DUSP10: variants seen among roughly 807,000 people sequenced by gnomAD.
DUSP10 encodes the protein dual specificity phosphatase 10.
In DUSP10, 14 loss-of-function variants were observed where a neutral mutation model predicts 30.8. The ratio of observed to expected loss-of-function variants is 0.46; its 90% confidence interval spans 0.30 to 0.71. DUSP10 has a LOEUF of 0.71. Among genes scored for constraint, DUSP10 ranks in the 30% least tolerant of loss-of-function variants. DUSP10 has a pLI of 0.08. For synonymous variants in DUSP10, 254 were observed against 250.4 expected (o/e 1.01, Z -0.14); for missense variants, 550 against 619.4 (o/e 0.89, Z 1.19).
intron 2 of DUSP10, among the ~76,000 whole-genome samples, chr1:221,713,860 T>C (rs550288198): frequency 1.3e-5 from 2 of 152,232 alleles, no homozygotes; most frequent in South Asian, 2.1e-4. Context: ...GAAAGAGGTA[T>C]TGAGATAGGT....
intron 2 of DUSP10, among the ~76,000 whole-genome samples, chr1:221,718,203 T>G (rs1226179717): frequency 6.6e-6 from 1 of 152,022 alleles, no homozygotes; most frequent in Non-Finnish European, 1.5e-5. Flanking sequence ...AGAACCTTAG[T>G]TCCATGAACC....
rs528604882 is a variant in DUSP10, at chr1:221,706,601, AAAAAAT to A, written c.812-141_812-136del. On this transcript the variant is annotated intron_variant, in intron 2 of 3. Coordinates refer to ENST00000366899, the MANE Select transcript of DUSP10 (RefSeq NM_007207.6). The surrounding 1 kb of genome is among the most constrained non-coding windows in gnomAD (Gnocchi z 4.6). ...CATATATAAATATGTATTTAAGCAAAAAAAATAAAAATAAAAATAAAACAAAACAAA... is the reference window on the plus strand; with the variant it reads ...CATATATAAATATGTATTTAAGCAAAAAAAATAAAAATAAAACAAAACAAA... 5.0e-5 allele frequency: 29 copies of A among 585,416 alleles called. No individual in the cohort carries two copies. The South Asian group carries it at 1.8e-3, about 37-fold the overall frequency. 36.3% of individuals were successfully genotyped at this position (585,416 alleles called of 1,614,324 possible).
At chr1:221,731,261 TG>T (rs1661581824) in intron 2 of DUSP10, among the ~76,000 whole-genome samples, 1 of 152,096 alleles carries the variant, frequency 6.6e-6, no homozygotes, top group African/African-American at 2.4e-5. Flanking sequence ...TAATTGTACT[TG>T]CAAACATTTT....
intron 3 of DUSP10, among the ~76,000 whole-genome samples, chr1:221,704,622 G>C (rs1660703679): frequency 6.6e-6 from 1 of 152,152 alleles, no homozygotes; most frequent in South Asian, 2.1e-4. Context: ...TGCCAGTTGG[G>C]AATTACTTAA....
intron 2 of DUSP10, among the ~76,000 whole-genome samples, chr1:221,727,244 T>C (rs79520418): frequency 6.6e-6 from 1 of 152,326 alleles, no homozygotes; most frequent in Non-Finnish European, 1.5e-5. Context: ...TTAGTCACTA[T>C]ATACGCTCCT....
chr1:221,738,962 T>G lies in DUSP10; in HGVS notation c.783A>C (p.Arg261Ser), dbSNP rs765627633. ...TCAACACCAGAGGTTCTTTGCCTTC[T>G]CTCTTCAGGGACTCGAGGACTATGT... ...PLHIVLESLK[R>S]EGKEPLVLKG... The change falls in exon 2 of 4, where the codon AGA (arginine) becomes AGC (serine). Residue 261 changes from arginine (R) to serine (S), a missense_variant. Transcript: ENST00000366899. 1 of 1,612,696 alleles carries G rather than the reference T, an allele frequency of 6.2e-7. No homozygotes were observed. The highest frequency in any genetic ancestry group is 2.2e-5 in the East Asian group (1 of 44,878).
chr1:221,705,953 T>C lies in DUSP10; in HGVS notation c.1183+142A>G, dbSNP rs536518776. On this transcript the variant is annotated intron_variant, in intron 3 of 3. Coordinates refer to ENST00000366899, the MANE Select transcript of DUSP10 (RefSeq NM_007207.6). ...CTATGACTTAGGAGAATGCTTAGGC[T>C]GTTTCAGGTGGCAGAGCCCTCCAAA... The C allele has an allele frequency of 1.0e-5, 11 of 1,092,888 alleles. No homozygotes were observed. The South Asian group carries it at 1.4e-4, about 14-fold the overall frequency. 67.7% of individuals were successfully genotyped at this position (1,092,888 alleles called of 1,614,324 possible).
At chr1:221,726,697 T>C (rs1661433905) in intron 2 of DUSP10, among the ~76,000 whole-genome samples, 1 of 142,634 alleles carries the variant, frequency 7.0e-6, no homozygotes, top group Non-Finnish European at 1.5e-5. Context: ...ACAGCACTAT[T>C]TCAGGAAAAA....
At position 221,718,360 on chromosome 1, in the gene DUSP10, G is replaced by A. The variant is rs534343466; in HGVS notation, c.812-11894C>T. Reference sequence around the variant, plus strand: ...AATATTTTAGCTGGAGACATTCTGCGTACTGGGGAGGCTACTCTATACCAT... The same window carrying A: ...AATATTTTAGCTGGAGACATTCTGCATACTGGGGAGGCTACTCTATACCAT... On this transcript the variant is annotated intron_variant, in intron 2 of 3. Coordinates refer to ENST00000366899, the MANE Select transcript of DUSP10 (RefSeq NM_007207.6). Among the ~76,000 whole-genome samples the A allele has an allele frequency of 1.1e-4, 17 of 152,208 alleles. No homozygotes were observed. In the South Asian group the frequency reaches 1.9e-3, roughly 17 times the overall value.
intron 2 of DUSP10, among the ~76,000 whole-genome samples, chr1:221,732,339 C>A (rs768679369): frequency 3.3e-5 from 5 of 152,198 alleles, no homozygotes; most frequent in Non-Finnish European, 7.3e-5. Context: ...ACAGCTTAAA[C>A]CACTAGGTTC....
At chr1:221,727,402 A>G (rs184248260) in intron 2 of DUSP10, among the ~76,000 whole-genome samples, 1 of 152,344 alleles carries the variant, frequency 6.6e-6, no homozygotes, top group Admixed American at 6.5e-5. Flanking sequence ...GTTAGGAAAC[A>G]TGAATCCTAT....
At chr1:221,731,118 T>C (rs1404904541) in intron 2 of DUSP10, among the ~76,000 whole-genome samples, 2 of 152,204 alleles carry the variant, frequency 1.3e-5, no homozygotes, top group Non-Finnish European at 2.9e-5. Context: ...GTATATATAA[T>C]AGAAACATAA....
At chr1:221,710,780 T>C (rs991776080) in intron 2 of DUSP10, among the ~76,000 whole-genome samples, 1 of 152,242 alleles carries the variant, frequency 6.6e-6, no homozygotes, top group African/African-American at 2.4e-5. Flanking sequence ...ATTTCTGGTT[T>C]TTCCACAGAA....
chr1:221,720,383 G>A (rs1050630113), intron 2 of DUSP10, among the ~76,000 whole-genome samples: 1 of 152,184 alleles, frequency 6.6e-6, no homozygotes, highest in Non-Finnish European at 1.5e-5. Context: ...ATGTAATGAA[G>A]CCCCCATAAA....
chr1:221,713,693 C>T (rs2102624251), intron 2 of DUSP10, among the ~76,000 whole-genome samples: 1 of 152,178 alleles, frequency 6.6e-6, no homozygotes, highest in East Asian at 1.9e-4. Context: ...AATGTATTTT[C>T]CTTTCTGTGT....
At chr1:221,733,725 C>T (rs1372749539) in intron 2 of DUSP10, among the ~76,000 whole-genome samples, 3 of 152,220 alleles carry the variant, frequency 2.0e-5, no homozygotes, top group African/African-American at 7.2e-5. Context: ...TGAAGAAAAC[C>T]TGGCCTCTGA....
intron 2 of DUSP10, among the ~76,000 whole-genome samples, chr1:221,709,729 GT>G (rs1420622615): frequency 6.6e-6 from 1 of 152,052 alleles, no homozygotes; most frequent in Non-Finnish European, 1.5e-5. Context: ...AGGAAGGATT[GT>G]TTTCTTCTCT....
intron 2 of DUSP10, among the ~76,000 whole-genome samples, chr1:221,722,638 A>G (rs1324647370): frequency 6.6e-6 from 1 of 152,150 alleles, no homozygotes; most frequent in Non-Finnish European, 1.5e-5. Context: ...TCTCCCAATA[A>G]CTGCAGAGTT....
intron 2 of DUSP10, among the ~76,000 whole-genome samples, chr1:221,734,226 G>T (rs982347373): frequency 2.0e-5 from 3 of 152,170 alleles, no homozygotes; most frequent in African/African-American, 7.2e-5. Context: ...ACATTATTTG[G>T]ACAGAATTAT....
Sources: gnomAD v4.1 joint callset for allele counts (sites outside exome capture counted in the v4.1 genomes callset) on GRCh38, gnomAD v4.1.1 for gene constraint, Gnocchi (gnomAD v3.1) non-coding constraint, MANE v1.5 for transcripts, NCBI Gene and HGNC (gene_info 2026-07-23, HGNC 2026-07-21) for gene names.